GAB2: variants seen among roughly 807,000 people sequenced by gnomAD.
GAB2 encodes GRB2-associated-binding protein 2.
Under a neutral mutation model 65.5 loss-of-function variants are expected in GAB2, and 26 were observed. The ratio of observed to expected loss-of-function variants is 0.40; its 90% CI spans 0.29 to 0.55. GAB2 has a LOEUF of 0.55. Among genes scored for constraint, GAB2 ranks in the 20% least tolerant of loss-of-function variants. The pLI is 0.53. For missense variants in GAB2, 884 were observed against 875.8 expected (o/e 1.01, Z -0.12); for synonymous variants, 321 against 329.6 (o/e 0.97, Z 0.28).
rs1192144444 is a variant in GAB2 at position 78,219,064 on chromosome 11, G to A, written c.*208C>T. 5.5e-6 allele frequency: 3 copies of A among 550,004 alleles called. No individual in the cohort carries two copies. Among genetic ancestry groups the A allele is most frequent in the Admixed American group, 3.2e-5 (1 of 31,452 alleles). 34.1% of individuals were successfully genotyped at this position (550,004 alleles called of 1,614,324 possible). On this transcript the variant is annotated 3_prime_UTR_variant, in exon 10 of 10. Coordinates refer to ENST00000361507, the MANE Select transcript of GAB2 (RefSeq NM_080491.3). ...GCCATTACTGATAAAAATCACAGCTGGGCCCCGAGTGGGCAGAGGAGGTGC... is the reference window on the plus strand; with the variant it reads ...GCCATTACTGATAAAAATCACAGCTAGGCCCCGAGTGGGCAGAGGAGGTGC...
chr11:78,279,203 T>A (rs1385304388), intron 2 of GAB2, among the ~76,000 whole-genome samples: 12 of 152,186 alleles, frequency 7.9e-5, no homozygotes, highest in Admixed American at 7.9e-4. Flanking sequence ...TAGGTTAGGA[T>A]ATCTAGTTCA....
chr11:78,415,574 G>A (rs1857184979), intron 1 of GAB2, among the ~76,000 whole-genome samples: 1 of 152,218 alleles, frequency 6.6e-6, no homozygotes, highest in Non-Finnish European at 1.5e-5. Flanking sequence ...GAGGCTTCCA[G>A]TCATGTAAGT....
rs567301377 is a variant in GAB2 at position 78,396,723 on chromosome 11, G to A, written c.75+20923C>T. 5.3e-5 allele frequency among the ~76,000 whole-genome samples: 8 copies of A among 152,140 alleles called. No homozygotes were observed. The East Asian group carries it at 1.4e-3, about 26-fold the overall frequency. On this transcript the variant is annotated intron_variant, in intron 1 of 9. Coordinates refer to ENST00000361507, the MANE Select transcript of GAB2 (RefSeq NM_080491.3). Reference sequence around the variant, plus strand: ...AGCGATTCTCCTGCCTCAGCCACCCGAGCAGCTGAGATTACAGGCATGTGC... The same window carrying A: ...AGCGATTCTCCTGCCTCAGCCACCCAAGCAGCTGAGATTACAGGCATGTGC...
At position 78,219,432 on chromosome 11, in the gene GAB2, G is replaced by A. The variant is rs1014576855; in HGVS notation, c.1888-17C>T. 1.2e-6 allele frequency: 2 copies of A among 1,612,884 alleles called. No homozygotes were observed. Among genetic ancestry groups the A allele is most frequent in the Non-Finnish European group, 1.7e-6 (2 of 1,179,190 alleles). On this transcript the variant is annotated splice_polypyrimidine_tract_variant and intron_variant, in intron 9 of 9. Transcript: ENST00000361507. ...AGTAGATGGCTGAGGGGACAGAGTG[G>A]GAAAGAGGGAGTAGCTGTGAGTTAC... is the stretch of plus-strand genomic sequence containing the variant.
chr11:78,316,756 C>G (rs554199698), intron 1 of GAB2, among the ~76,000 whole-genome samples: 1 of 152,248 alleles, frequency 6.6e-6, no homozygotes, highest in Non-Finnish European at 1.5e-5. Flanking sequence ...AATAGAATTA[C>G]CATATGATCC....
chr11:78,314,709 T>C (rs540341469), intron 1 of GAB2, among the ~76,000 whole-genome samples: 3 of 152,308 alleles, frequency 2.0e-5, no homozygotes, highest in Admixed American at 2.0e-4. Context: ...GTCACATGCT[T>C]ACTTTAAATC....
intron 1 of GAB2, among the ~76,000 whole-genome samples, chr11:78,346,722 A>ATATATATATATATT (rs1565168352): frequency 1.3e-4 from 4 of 30,794 alleles, no homozygotes; most frequent in African/African-American, 3.3e-4. Flanking sequence ...TATATATATA[A>ATATATATATATATT]TTTTTTTTTT....
At position 78,358,439 on chromosome 11, in the gene GAB2, T is replaced by TATAATAATAATA. The variant is rs201503823; in HGVS notation, c.75+59195_75+59206dup. On this transcript the variant is annotated intron_variant, in intron 1 of 9. Coordinates refer to ENST00000361507, the MANE Select transcript of GAB2 (RefSeq NM_080491.3). ...TGCACATGTACCCTAGAACTTAAAA[T>TATAATAATAATA]ATAATAATAATAATAATAATAATAA... 4.8e-3 allele frequency among the ~76,000 whole-genome samples: 562 copies of TATAATAATAATA among 117,296 alleles called. 9 individuals carry two copies. Among genetic ancestry groups the TATAATAATAATA allele is most frequent in the South Asian group, 0.015 (56 of 3,688 alleles). The allele number at this position is 117,296 out of a possible 152,430, so 77.0% of individuals were successfully genotyped here.
intron 3 of GAB2, among the ~76,000 whole-genome samples, chr11:78,231,367 GTGTC>G (rs1794813689): frequency 6.6e-6 from 1 of 151,996 alleles, no homozygotes; most frequent in Non-Finnish European, 1.5e-5. Flanking sequence ...GTGTGTGTGT[GTGTC>G]GGAGTCTCAT....
chr11:78,286,020 C>T (rs893864605), intron 1 of GAB2, among the ~76,000 whole-genome samples: 7 of 152,042 alleles, frequency 4.6e-5, no homozygotes, highest in South Asian at 2.1e-4. Flanking sequence ...CCGCTCTCAC[C>T]TCAATTATGT....
intron 2 of GAB2, among the ~76,000 whole-genome samples, chr11:78,258,021 TG>T (rs1348145846): frequency 4.9e-4 from 75 of 152,250 alleles, no homozygotes; most frequent in African/African-American, 1.6e-3. Flanking sequence ...AATATGAGGA[TG>T]GGGGTCCAGG....
chr11:78,354,297 C>T (rs546699084), intron 1 of GAB2, among the ~76,000 whole-genome samples: 1 of 152,242 alleles, frequency 6.6e-6, no homozygotes, highest in African/African-American at 2.4e-5. Flanking sequence ...AGTCTTATTG[C>T]TTACTTCTCT....
At chr11:78,333,928 T>C (rs1855956552) in intron 1 of GAB2, among the ~76,000 whole-genome samples, 1 of 152,140 alleles carries the variant, frequency 6.6e-6, no homozygotes, top group Non-Finnish European at 1.5e-5. Flanking sequence ...ACTCTATATA[T>C]TGCTTGCTGA....
chr11:78,264,265 A>T (rs1380482276), intron 2 of GAB2, among the ~76,000 whole-genome samples: 2 of 151,956 alleles, frequency 1.3e-5, no homozygotes, highest in African/African-American at 2.4e-5. Flanking sequence ...CTCTTTCCAT[A>T]TTCTGGGTCT....
intron 1 of GAB2, among the ~76,000 whole-genome samples, chr11:78,381,784 T>C (rs1368336416): frequency 6.6e-6 from 1 of 152,204 alleles, no homozygotes; most frequent in Non-Finnish European, 1.5e-5. Context: ...AGAGTCACCA[T>C]GAAAAAGAAA....
intron 3 of GAB2, among the ~76,000 whole-genome samples, chr11:78,249,393 G>C (rs1166090144): frequency 6.6e-6 from 1 of 152,202 alleles, no homozygotes; most frequent in East Asian, 1.9e-4. Context: ...TTTGTAATCT[G>C]CTGGCTATGG....
intron 1 of GAB2, among the ~76,000 whole-genome samples, chr11:78,329,505 TTTC>T (rs1855880193): frequency 1.3e-5 from 2 of 152,206 alleles, no homozygotes; most frequent in South Asian, 4.1e-4. Flanking sequence ...GGGCCTTGTC[TTTC>T]TTTTTTGATG....
At chr11:78,310,301 G>C (rs1431764531) in intron 1 of GAB2, among the ~76,000 whole-genome samples, 1 of 148,956 alleles carries the variant, frequency 6.7e-6, no homozygotes, top group East Asian at 2.0e-4. Context: ...AGGAGATCAA[G>C]ACCATCCTGG....
chr11:78,333,014 T>A (rs908549342), intron 1 of GAB2, among the ~76,000 whole-genome samples: 2 of 152,190 alleles, frequency 1.3e-5, no homozygotes, highest in Non-Finnish European at 2.9e-5. Flanking sequence ...TATAATTTAA[T>A]GGGAAAGATG....
Sources: allele counts gnomAD v4.1 joint callset (sites outside exome capture counted in the v4.1 genomes callset), GRCh38; gene constraint gnomAD v4.1.1; transcripts MANE v1.5; gene names NCBI Gene and HGNC (gene_info 2026-07-23, HGNC 2026-07-21).